PALS1: variants seen among roughly 807,000 people sequenced by gnomAD.
The protein encoded by PALS1 is protein associated with LIN7 1, MAGUK p55 family member, also known as protein PALS1.
A neutral mutation model predicts 78.9 loss-of-function variants in PALS1; 31 were observed. The observed-to-expected ratio is 0.39, with a 90% CI of 0.30 to 0.53. The LOEUF is 0.53. PALS1 is among the 20% of genes least tolerant of loss of function. The probability of loss-of-function intolerance (pLI) is 0.67; values close to 1 mark genes in which losing one functional copy is unlikely to be tolerated. For synonymous variants in PALS1, 276 were observed against 270.9 expected (o/e 1.02, Z -0.18); for missense variants, 704 against 826.5 (o/e 0.85, Z 1.82).
intron 1 of PALS1, among the ~76,000 whole-genome samples, chr14:67,247,200 G>A (rs2084000777): frequency 6.6e-6 from 1 of 152,152 alleles, no homozygotes; most frequent in Admixed American, 6.5e-5. Flanking sequence ...TTCCATTTAT[G>A]TGAGTATTGT....
chr14:67,247,379 T>C (rs949491915), intron 1 of PALS1, among the ~76,000 whole-genome samples: 1 of 152,234 alleles, frequency 6.6e-6, no homozygotes, highest in Non-Finnish European at 1.5e-5. Flanking sequence ...GACTTTCTGC[T>C]AAACTCCCTT....
chr14:67,267,607 G>A lies in PALS1; in HGVS notation c.-236-2094G>A, dbSNP rs141529916. 3.3e-3 allele frequency among the ~76,000 whole-genome samples: 503 copies of A among 152,238 alleles called. 5 individuals carry two copies. Among genetic ancestry groups the A allele is most frequent in the African/African-American group, 0.01 (432 of 41,528 alleles). On this transcript the variant is annotated intron_variant, in intron 1 of 14. Transcript: ENST00000261681. ...GAATTTTCAAAACGGGTTTATTGAG[G>A]TATAATTTATATTTTATAAGATTTA...
At chr14:67,276,605 C>T (rs1472756962) in intron 2 of PALS1, among the ~76,000 whole-genome samples, 1 of 152,146 alleles carries the variant, frequency 6.6e-6, no homozygotes, top group Admixed American at 6.6e-5. Context: ...ACCCCTGTCT[C>T]TAACAAATTT....
intron 2 of PALS1, among the ~76,000 whole-genome samples, chr14:67,272,546 C>T (rs1230086062): frequency 1.3e-5 from 2 of 152,202 alleles, no homozygotes; most frequent in Non-Finnish European, 2.9e-5. Flanking sequence ...ACTACTACCA[C>T]TATTCCTACT....
At chr14:67,296,396 C>A (rs1351740913) in intron 4 of PALS1, among the ~76,000 whole-genome samples, 1 of 151,650 alleles carries the variant, frequency 6.6e-6, no homozygotes, top group Non-Finnish European at 1.5e-5. Flanking sequence ...GTCAGGAGAT[C>A]GAGACCATCC....
At chr14:67,288,644 A>G (rs1387943647) in intron 3 of PALS1, among the ~76,000 whole-genome samples, 1 of 152,128 alleles carries the variant, frequency 6.6e-6, no homozygotes, top group Admixed American at 6.5e-5. Flanking sequence ...TTTAAGTGTT[A>G]TCCTATTTTG....
chr14:67,323,650 G>A (rs2085304181), intron 13 of PALS1, 52 bp from the exon 14 acceptor site: 1 of 631,812 alleles, frequency 1.6e-6, no homozygotes, highest in Non-Finnish European at 2.7e-6. Flanking sequence ...GTATTATTAG[G>A]AAGTAATTAA....
intron 14 of PALS1, among the ~76,000 whole-genome samples, chr14:67,331,597 T>C (rs1002977956): frequency 1.3e-4 from 20 of 152,182 alleles, no homozygotes; most frequent in Non-Finnish European, 7.3e-5. Flanking sequence ...TAAAACATTT[T>C]GTTTCATCTT....
intron 3 of PALS1, among the ~76,000 whole-genome samples, chr14:67,280,876 C>CCTCT (rs2084598666): frequency 7.3e-6 from 1 of 136,128 alleles, no homozygotes; most frequent in African/African-American, 2.8e-5. Context: ...TCCCTCCCTC[C>CCTCT]CTCCCTTTTC....
rs114256381 is a variant in PALS1, at chr14:67,330,793, G to C, written c.1852-1987G>C. 4.8e-3 allele frequency among the ~76,000 whole-genome samples: 731 copies of C among 152,284 alleles called. 12 individuals are homozygous for C. The highest frequency in any genetic ancestry group is 0.017 in the African/African-American group (702 of 41,566). Reference sequence around the variant, plus strand: ...TTCTCTTTAACACATGAGTTATTTAGAAGTATGTTATATAGTTTCCACCTA... The same window carrying C: ...TTCTCTTTAACACATGAGTTATTTACAAGTATGTTATATAGTTTCCACCTA... On this transcript the variant is annotated intron_variant, in intron 14 of 14. Transcript: ENST00000261681.
intron 2 of PALS1, among the ~76,000 whole-genome samples, chr14:67,272,874 G>A (rs1265287731): frequency 3.3e-5 from 5 of 151,994 alleles, no homozygotes; most frequent in African/African-American, 1.2e-4. Context: ...TCACCATATT[G>A]CCCAGGCTGG....
intron 4 of PALS1, among the ~76,000 whole-genome samples, chr14:67,299,049 A>C (rs764026389): frequency 1.3e-5 from 2 of 152,170 alleles, no homozygotes; most frequent in Non-Finnish European, 1.5e-5. Flanking sequence ...AATATCCCAC[A>C]ATTTGACCAC....
intron 3 of PALS1, among the ~76,000 whole-genome samples, chr14:67,282,615 G>A (rs570759511): frequency 6.6e-6 from 1 of 152,098 alleles, no homozygotes; most frequent in African/African-American, 2.4e-5. Context: ...TTTAAAAGCA[G>A]TTAGAATTTT....
intron 14 of PALS1, among the ~76,000 whole-genome samples, chr14:67,330,482 G>T (rs1195902385): frequency 1.4e-5 from 2 of 141,192 alleles, no homozygotes; most frequent in Admixed American, 7.3e-5. Flanking sequence ...TTTTGAGATG[G>T]GGTTTCGCTC....
chr14:67,327,798 G>A (rs1349653213), intron 14 of PALS1, among the ~76,000 whole-genome samples: 7 of 152,154 alleles, frequency 4.6e-5, no homozygotes, highest in African/African-American at 9.7e-5. Flanking sequence ...CTTCATCCAT[G>A]TCCCTACAAA....
At chr14:67,321,948 G>A (rs573306479) in intron 13 of PALS1, among the ~76,000 whole-genome samples, 10 of 152,172 alleles carry the variant, frequency 6.6e-5, no homozygotes, top group Non-Finnish European at 1.3e-4. Flanking sequence ...TATTTTTATG[G>A]TTTAAATGCC....
chr14:67,245,267 A>G (rs1245793367), intron 1 of PALS1, among the ~76,000 whole-genome samples: 3 of 152,198 alleles, frequency 2.0e-5, no homozygotes, highest in Non-Finnish European at 4.4e-5. Flanking sequence ...TTGCATTTCC[A>G]CCAGCAATAT....
chr14:67,290,691 C>G (rs1160306643), intron 3 of PALS1, among the ~76,000 whole-genome samples: 1 of 152,010 alleles, frequency 6.6e-6, no homozygotes, highest in Non-Finnish European at 1.5e-5. Context: ...AGCCACTGTG[C>G]CTAGACATTT....
chr14:67,249,865 C>T (rs925175039), intron 1 of PALS1, among the ~76,000 whole-genome samples: 4 of 152,152 alleles, frequency 2.6e-5, no homozygotes, highest in African/African-American at 9.7e-5. Context: ...AGACTGCATT[C>T]GTTTAACGTG....
Sources: gnomAD v4.1 joint callset for allele counts (sites outside exome capture counted in the v4.1 genomes callset) on GRCh38, gnomAD v4.1.1 for gene constraint, MANE v1.5 for transcripts, NCBI Gene and HGNC (gene_info 2026-07-23, HGNC 2026-07-21) for gene names.